Variants in ZNF805 observed in about 807,000 individuals in gnomAD.
The protein encoded by ZNF805 is CTC-444N24.8.
A neutral mutation model predicts 13.6 loss-of-function variants in ZNF805; 7 were observed. That is an observed-to-expected ratio of 0.51 (90% CI 0.29 to 0.97). ZNF805 has a LOEUF of 0.97. Among genes scored for constraint, ZNF805 ranks in the 50% least tolerant of loss-of-function variants. The pLI is 0.08. For missense variants in ZNF805, 604 were observed against 771.0 expected (o/e 0.78, Z 2.57); for synonymous variants, 293 against 279.8 (o/e 1.05, Z -0.47).
In ZNF805 at chr19:57,262,575, G is replaced by A. The variant is rs532426492; in HGVS notation, c.*7872G>A. 12 of 167,128 alleles carry A rather than the reference G, an allele frequency of 7.2e-5. No individual in the cohort carries two copies. The highest frequency in any genetic ancestry group is 2.6e-4 in the African/African-American group (11 of 41,524). The allele number at this position is 167,128 out of a possible 1,614,324, so 10.4% of individuals were successfully genotyped here. A position where few individuals can be genotyped will look rare whatever the true frequency, so the allele number is the denominator to read the frequency against. ...AGGTAAATGCCGTGTTCTTTCCCTA[G>A]CACGTATGTCAGTTTCTCATCCACT... On this transcript the variant is annotated 3_prime_UTR_variant, in exon 4 of 4. Coordinates refer to ENST00000414468, the MANE Select transcript of ZNF805 (RefSeq NM_001023563.4).
At chr19:57,250,685 A>G (rs1383894158) in intron 3 of ZNF805, among the ~76,000 whole-genome samples, 3 of 152,298 alleles carry the variant, frequency 2.0e-5, no homozygotes, top group South Asian at 2.1e-4. Context: ...CAGACAGTTA[A>G]TATTTCCCCA....
In ZNF805 at chr19:57,257,568, C is replaced by T. The variant is rs1289885451; in HGVS notation, c.*2865C>T. Reference sequence around the variant, plus strand: ...TCTGATATTTGTGTGGTCAGTCTTACGTTTTGGTTAATGCTTGCATGATTT... The same window carrying T: ...TCTGATATTTGTGTGGTCAGTCTTATGTTTTGGTTAATGCTTGCATGATTT... On this transcript the variant is annotated 3_prime_UTR_variant, in exon 4 of 4. Transcript: ENST00000414468. Among the ~76,000 whole-genome samples, 3 of 151,794 alleles carry T rather than the reference C, an allele frequency of 2.0e-5. No homozygotes were observed. Among genetic ancestry groups the T allele is most frequent in the Non-Finnish European group, 4.4e-5 (3 of 67,970 alleles).
intron 2 of ZNF805, among the ~76,000 whole-genome samples, chr19:57,245,375 C>T (rs190544104): frequency 5.3e-5 from 8 of 152,280 alleles, no homozygotes; most frequent in Admixed American, 5.2e-4. Context: ...CTCACCATAG[C>T]CTCCTCCCTT....
chr19:57,260,242 T>G lies in ZNF805; in HGVS notation c.*5539T>G, dbSNP rs1452894415. Reference sequence around the variant, plus strand: ...TGTTTAGTCTTTAACTTCTCCTTATTAACCAGCTTCTTTCCCATAATGTAT... The same window carrying G: ...TGTTTAGTCTTTAACTTCTCCTTATGAACCAGCTTCTTTCCCATAATGTAT... On this transcript the variant is annotated 3_prime_UTR_variant, in exon 4 of 4. Transcript: ENST00000414468. Among the ~76,000 whole-genome samples the G allele has an allele frequency of 6.6e-6, 1 of 152,240 alleles. No homozygotes were observed. The highest frequency in any genetic ancestry group is 2.4e-5 in the African/African-American group (1 of 41,460).
At position 57,240,721 on chromosome 19, in the gene ZNF805, C is replaced by T. The variant is rs2087573450; in HGVS notation, c.-171C>T. On this transcript the variant is annotated 5_prime_UTR_variant, in exon 1 of 4. Coordinates refer to ENST00000414468, the MANE Select transcript of ZNF805 (RefSeq NM_001023563.4). ...GGGAAATGAGCAGGTAGGAGGCCGA[C>T]AGCGACCTCCGCGTCTCGGAGCGAA... is the stretch of plus-strand genomic sequence containing the variant. 1 of 582,806 alleles carries T rather than the reference C, an allele frequency of 1.7e-6. No homozygotes were observed. Among genetic ancestry groups the T allele is most frequent in the South Asian group, 2.6e-5 (1 of 38,996 alleles). The allele number at this position is 582,806 out of a possible 1,614,324, so 36.1% of individuals were successfully genotyped here.
chr19:57,243,779 T>C, intron 1 of ZNF805, 144 bp from the exon 2 acceptor site: 1 of 1,133,130 alleles, frequency 8.8e-7, no homozygotes, highest in Non-Finnish European at 1.3e-6. Context: ...CAAAGCAATG[T>C]CTGCCTTCCT....
chr19:57,240,933 A>G lies in ZNF805; in HGVS notation c.30+12A>G, dbSNP rs565212617. ...CGGACCCGGCGCAGGTGAGTGGACA[A>G]GGTTTCGGCCTTGCTGCTTTTCTGC... is the stretch of plus-strand genomic sequence containing the variant. On this transcript the variant is annotated intron_variant, in intron 1 of 3. Coordinates refer to ENST00000414468, the MANE Select transcript of ZNF805 (RefSeq NM_001023563.4). 37 of 1,559,410 alleles carry G rather than the reference A, an allele frequency of 2.4e-5. No individual in the cohort carries two copies. The highest frequency in any genetic ancestry group is 3.2e-5 in the Non-Finnish European group (37 of 1,152,016).
intron 3 of ZNF805, among the ~76,000 whole-genome samples, chr19:57,251,377 G>C (rs987124196): frequency 5.9e-5 from 9 of 152,036 alleles, no homozygotes; most frequent in Middle Eastern, 3.2e-3. Flanking sequence ...TCATTGGTAG[G>C]GTGGTTTAGT....
At chr19:57,246,247 C>G (rs369728937) in intron 2 of ZNF805, among the ~76,000 whole-genome samples, 9 of 152,178 alleles carry the variant, frequency 5.9e-5, no homozygotes, top group African/African-American at 2.2e-4. Flanking sequence ...GATCTTGGCT[C>G]ACTGCAACCT....
intron 3 of ZNF805, among the ~76,000 whole-genome samples, chr19:57,251,370 T>C (rs8103522): frequency 0.23 from 34,936 of 152,126 alleles, 4,864 homozygotes; most frequent in African/African-American, 0.39. Context: ...ATTTTCCTCA[T>C]TGGTAGGGTG....
chr19:57,255,681 CTTATT>C lies in ZNF805; in HGVS notation c.*981_*985del, dbSNP rs1037584883. The stretch of plus-strand genomic sequence containing the variant: ...TATACAGAAACATTATTTTTTCAAT[CTTATT>C]TTGCTGTCTTGCAACCTTCCTAAAC... On this transcript the variant is annotated 3_prime_UTR_variant, in exon 4 of 4. Transcript: ENST00000414468. 1.3e-5 allele frequency among the ~76,000 whole-genome samples: 2 copies of C among 152,030 alleles called. No individual in the cohort carries two copies. Among genetic ancestry groups the C allele is most frequent in the Non-Finnish European group, 2.9e-5 (2 of 67,946 alleles).
rs1456455528 is a variant in ZNF805 at position 57,258,337 on chromosome 19, T to G, written c.*3634T>G. Among the ~76,000 whole-genome samples the G allele has an allele frequency of 1.3e-5, 2 of 152,014 alleles. No individual in the cohort carries two copies. Among genetic ancestry groups the G allele is most frequent in the African/African-American group, 2.4e-5 (1 of 41,414 alleles). ...ATATTTCTGTCTTTTATTGGTGTAT[T>G]TAGACCATTTAAAGTTTACAATAAT... On this transcript the variant is annotated 3_prime_UTR_variant, in exon 4 of 4. Coordinates refer to ENST00000414468, the MANE Select transcript of ZNF805 (RefSeq NM_001023563.4).
rs931502523 is a variant in ZNF805, at chr19:57,256,494, TA to T, written c.*1792del. 5.8e-4 allele frequency among the ~76,000 whole-genome samples: 88 copies of T among 152,280 alleles called. No homozygotes were observed. The highest frequency in any genetic ancestry group is 2.0e-3 in the African/African-American group (84 of 41,588). On this transcript the variant is annotated 3_prime_UTR_variant, in exon 4 of 4. Transcript: ENST00000414468. ...TTTGAATGCTTTTTAATTATGTATTTATTTTATTTAATAGGTATAGAACTAT... is the reference window on the plus strand; with the variant it reads ...TTTGAATGCTTTTTAATTATGTATTTTTTTATTTAATAGGTATAGAACTAT...
rs1007633660 is a variant in ZNF805, at chr19:57,258,264, A to G, written c.*3561A>G. ...GTGATCTGCCCACCTCAGCCTCCCAAAGTGCTGGGATTACAGGTATGTGTC... is the reference window on the plus strand; with the variant it reads ...GTGATCTGCCCACCTCAGCCTCCCAGAGTGCTGGGATTACAGGTATGTGTC... On this transcript the variant is annotated 3_prime_UTR_variant, in exon 4 of 4. Coordinates refer to ENST00000414468, the MANE Select transcript of ZNF805 (RefSeq NM_001023563.4). Among the ~76,000 whole-genome samples, 4 of 152,084 alleles carry G rather than the reference A, an allele frequency of 2.6e-5. No homozygotes were observed. The highest frequency in any genetic ancestry group is 2.1e-4 in the South Asian group (1 of 4,806).
rs200508942 is a variant in ZNF805 at position 57,245,590 on chromosome 19, T to C, written c.157+1541T>C. Among the ~76,000 whole-genome samples the C allele has an allele frequency of 2.0e-3, 291 of 148,720 alleles. No homozygotes were observed. In the East Asian group the frequency reaches 0.021, roughly 11 times the overall value. ...GTCAGGAGATAGAGACCATCCTGGCTAACACGGTGCAACCCTGTCTCTACT... is the reference window on the plus strand; with the variant it reads ...GTCAGGAGATAGAGACCATCCTGGCCAACACGGTGCAACCCTGTCTCTACT... On this transcript the variant is annotated intron_variant, in intron 2 of 3. Transcript: ENST00000414468.
At position 57,262,457 on chromosome 19, in the gene ZNF805, C is replaced by T. The variant is rs1338090243; in HGVS notation, c.*7754C>T. 2 of 166,980 alleles carry T rather than the reference C, an allele frequency of 1.2e-5. No individual in the cohort carries two copies. The highest frequency in any genetic ancestry group is 2.4e-5 in the African/African-American group (1 of 41,430). 10.3% of individuals were successfully genotyped at this position (166,980 alleles called of 1,614,324 possible). On this transcript the variant is annotated 3_prime_UTR_variant, in exon 4 of 4. Coordinates refer to ENST00000414468, the MANE Select transcript of ZNF805 (RefSeq NM_001023563.4). ...GAAGTCTTGTGAGAAAGGATCTTGC[C>T]TCTGCCTAGTATCTTTCACAGATAG... is the stretch of plus-strand genomic sequence containing the variant.
intron 2 of ZNF805, 49 bp from the exon 3 acceptor site, chr19:57,248,556 A>G (rs548254435): frequency 6.8e-7 from 1 of 1,466,642 alleles, no homozygotes; most frequent in African/African-American, 1.4e-5. Context: ...GAAGGTCTTT[A>G]TTTCTTTTCA....
Position 57,254,608 on chromosome 19 carries a change from G to A in ZNF805, c.1789G>A (p.Val597Ile). ...ELLLGKNFLN[V>I]TTEENLLQEE... ...TTTATTGGGGAAAAACTTTTTGAAT[G>A]TCACCACTGAGGAAAATCTTTTGCA... is the stretch of plus-strand genomic sequence containing the variant. The change falls in exon 4 of 4, where the codon GTC (valine) becomes ATC (isoleucine). Residue 597 changes from valine to isoleucine, a missense_variant. By Grantham distance (29) the Val-to-Ile change is conservative. This residue lies in a region of ZNF805 where 49 missense variants were observed against 40.0 expected (regional missense o/e 1.23). Transcript: ENST00000414468. 1 of 1,614,060 alleles carries A rather than the reference G, an allele frequency of 6.2e-7. No individual in the cohort carries two copies. The highest frequency in any genetic ancestry group is 1.3e-5 in the African/African-American group (1 of 75,036).
chr19:57,255,167 G>A lies in ZNF805; in HGVS notation c.*464G>A, dbSNP rs533212622. On this transcript the variant is annotated 3_prime_UTR_variant, in exon 4 of 4. Transcript: ENST00000414468. ...TATTGTACCACTTAATACTGTTTAG[G>A]TCTTTGATTTTTTAAAAAAATTCTT... The A allele has an allele frequency of 6.0e-6, 1 of 167,820 alleles. No homozygotes were observed. The highest frequency in any genetic ancestry group is 1.9e-4 in the East Asian group (1 of 5,204). 10.4% of individuals were successfully genotyped at this position (167,820 alleles called of 1,614,324 possible). A position where few individuals can be genotyped will look rare whatever the true frequency, so the allele number is the denominator to read the frequency against.
Sources: allele counts gnomAD v4.1 joint callset (sites outside exome capture counted in the v4.1 genomes callset), GRCh38; gene constraint gnomAD v4.1.1; regional missense constraint gnomAD v4.1.1; transcripts MANE v1.5; gene names NCBI Gene and HGNC (gene_info 2026-07-23, HGNC 2026-07-21).